The following DENND1A variants were observed in gnomAD, a reference collection of about 807,000 sequenced individuals.
DENND1A encodes DENN domain containing 1A.
A neutral mutation model predicts 113.7 loss-of-function variants in DENND1A; 51 were observed. The observed-to-expected ratio is 0.45, with a 90% CI of 0.36 to 0.57. DENND1A has a LOEUF of 0.57. Ranked by LOEUF, DENND1A falls within the 20% of genes least tolerant of loss-of-function variation. The pLI, the probability that DENND1A is intolerant of heterozygous loss-of-function variation, is 0.00. For missense variants in DENND1A, 1,258 were observed against 1,395.9 expected, an observed-to-expected ratio of 0.90 and a Z score of 1.57; for synonymous variants, 565 against 570.8, an observed-to-expected ratio of 0.99 and a Z score of 0.14.
intron 11 of DENND1A, among the ~76,000 whole-genome samples, chr9:123,586,822 A>G (rs2059190250): frequency 6.6e-6 from 1 of 152,124 alleles, no homozygotes; most frequent in Non-Finnish European, 1.5e-5. Flanking sequence ...GGTGCCTCTC[A>G]TCTTAACCAT....
chr9:123,728,776 A>G (rs1467516161), intron 5 of DENND1A, among the ~76,000 whole-genome samples: 1 of 152,246 alleles, frequency 6.6e-6, no homozygotes, highest in Non-Finnish European at 1.5e-5. Flanking sequence ...CTACATCAGC[A>G]TAATCCTGAT....
chr9:123,737,712 A>C (rs565208257), intron 5 of DENND1A, among the ~76,000 whole-genome samples: 2 of 152,376 alleles, frequency 1.3e-5, no homozygotes, highest in Admixed American at 1.3e-4. Flanking sequence ...AGCAGCCATC[A>C]GCAGCACTTC....
chr9:123,585,182 C>T (rs1267068944), intron 11 of DENND1A, among the ~76,000 whole-genome samples: 7 of 152,208 alleles, frequency 4.6e-5, no homozygotes, highest in African/African-American at 7.2e-5. Context: ...AACTTCTCCA[C>T]GCCTCTGGGG....
chr9:123,715,198 T>C (rs1003398037), intron 5 of DENND1A, among the ~76,000 whole-genome samples: 1 of 151,996 alleles, frequency 6.6e-6, no homozygotes, highest in Admixed American at 6.6e-5. Flanking sequence ...ATAATAATAA[T>C]AATAAAAAAT....
intron 13 of DENND1A, among the ~76,000 whole-genome samples, chr9:123,475,851 G>A (rs185953532): frequency 1.3e-5 from 2 of 152,206 alleles, no homozygotes; most frequent in African/African-American, 2.4e-5. Context: ...GTGATCATCT[G>A]GGGGGACAGC....
At chr9:123,843,008 G>A (rs1441031434) in intron 2 of DENND1A, 9 of 443,680 alleles carry the variant, frequency 2.0e-5, no homozygotes, top group South Asian at 5.4e-5. Flanking sequence ...TTCCCCAAGC[G>A]AGAGAGATAG....
intron 5 of DENND1A, among the ~76,000 whole-genome samples, chr9:123,733,670 A>ATTTT (rs747578846): frequency 2.4e-4 from 32 of 135,628 alleles, no homozygotes; most frequent in South Asian, 7.0e-4. Flanking sequence ...CTTGTTGGTT[A>ATTTT]TTTTTTTTTT....
At chr9:123,888,449 G>A (rs549776926) in intron 1 of DENND1A, among the ~76,000 whole-genome samples, 1 of 152,312 alleles carries the variant, frequency 6.6e-6, no homozygotes, top group South Asian at 2.1e-4. Flanking sequence ...CTGAATACAA[G>A]GGAGAAGAGA....
intron 19 of DENND1A, among the ~76,000 whole-genome samples, chr9:123,435,199 A>T (rs2046428814): frequency 6.6e-6 from 1 of 152,174 alleles, no homozygotes; most frequent in African/African-American, 2.4e-5. Context: ...AGGGAATTGC[A>T]TGTGGCTTCC....
At chr9:123,449,291 T>G (rs923015326) in intron 18 of DENND1A, among the ~76,000 whole-genome samples, 21 of 152,098 alleles carry the variant, frequency 1.4e-4, no homozygotes, top group Admixed American at 1.4e-3. Context: ...AATCCCAGCA[T>G]TTTGGGAGGC....
chr9:123,775,416 G>A (rs1830317653), intron 3 of DENND1A, among the ~76,000 whole-genome samples: 1 of 151,968 alleles, frequency 6.6e-6, no homozygotes, highest in Non-Finnish European at 1.5e-5. Context: ...GGGAGGAGGG[G>A]ACACAAGTCA....
intron 1 of DENND1A, among the ~76,000 whole-genome samples, chr9:123,890,752 A>G (rs1422136074): frequency 2.0e-5 from 3 of 152,208 alleles, no homozygotes; most frequent in Non-Finnish European, 4.4e-5. Context: ...TTTGTAAGAG[A>G]TAGAGCTGGA....
chr9:123,873,742 T>A (rs538966068), intron 2 of DENND1A, among the ~76,000 whole-genome samples: 82 of 151,842 alleles, frequency 5.4e-4, no homozygotes, highest in African/African-American at 1.9e-3. Flanking sequence ...AAATTATCTA[T>A]CTCTCTTTTT....
intron 11 of DENND1A, among the ~76,000 whole-genome samples, chr9:123,592,375 T>C (rs1164298957): frequency 1.3e-5 from 2 of 151,976 alleles, no homozygotes; most frequent in Non-Finnish European, 2.9e-5. Flanking sequence ...GGAGCCAGAC[T>C]GCCTGAGTCT....
rs78247186 is a variant in DENND1A at position 123,583,323 on chromosome 9, A to G, written c.766-53T>C. On this transcript the variant is annotated intron_variant, in intron 11 of 23. Transcript: ENST00000394215. Reference sequence around the variant, plus strand: ...AAGGTCATTGAGGTGCCATCAAGACACACTTCCCCTGCCTTCTCTGGGGAA... The same window carrying G: ...AAGGTCATTGAGGTGCCATCAAGACGCACTTCCCCTGCCTTCTCTGGGGAA... The G allele has an allele frequency of 7.4e-4, 1,003 of 1,351,920 alleles. 6 individuals are homozygous for G. In the African/African-American group the frequency reaches 0.013, roughly 17 times the overall value. The allele number at this position is 1,351,920 out of a possible 1,614,324, so 83.7% of individuals were successfully genotyped here. A position where few individuals can be genotyped will look rare whatever the true frequency, so the allele number is the denominator to read the frequency against.
chr9:123,649,767 AG>A (rs1210962358), intron 9 of DENND1A, among the ~76,000 whole-genome samples: 1 of 152,160 alleles, frequency 6.6e-6, no homozygotes, highest in Non-Finnish European at 1.5e-5. Context: ...TTGTGTTTGT[AG>A]ATTTATTCCT....
At chr9:123,622,140 C>G (rs2138272868) in intron 10 of DENND1A, among the ~76,000 whole-genome samples, 1 of 152,330 alleles carries the variant, frequency 6.6e-6, no homozygotes, top group Admixed American at 6.5e-5. Flanking sequence ...TATTTGACTT[C>G]TCAGTTCAAC....
At chr9:123,654,540 A>G (rs979536721) in intron 8 of DENND1A, among the ~76,000 whole-genome samples, 2 of 152,182 alleles carry the variant, frequency 1.3e-5, no homozygotes, top group African/African-American at 4.8e-5. Flanking sequence ...ATGGGAAGGA[A>G]ACATTTCTGA....
intron 13 of DENND1A, among the ~76,000 whole-genome samples, chr9:123,458,136 G>T (rs1394691980): frequency 5.9e-5 from 9 of 151,838 alleles, no homozygotes; most frequent in African/African-American, 2.2e-4. Context: ...GGGTAGCTGG[G>T]ATTACAGCTG....
Sources: gnomAD v4.1 joint callset for allele counts (sites outside exome capture counted in the v4.1 genomes callset) on GRCh38, gnomAD v4.1.1 for gene constraint, MANE v1.5 for transcripts, NCBI Gene and HGNC (gene_info 2026-07-23, HGNC 2026-07-21) for gene names.